The following RORA variants were observed in gnomAD, a reference collection of about 807,000 sequenced individuals.
RORA encodes the protein nuclear receptor ROR-alpha.
Under a neutral mutation model 69.5 loss-of-function variants are expected in RORA, and 7 were observed. The observed-to-expected ratio is 0.10, with a 90% CI of 0.06 to 0.19. The LOEUF (loss-of-function observed/expected upper bound fraction) is 0.19. Among genes scored for constraint, RORA ranks in the 10% least tolerant of loss-of-function variants. The probability of loss-of-function intolerance (pLI) is 1.00; values close to 1 mark genes in which losing one functional copy is unlikely to be tolerated. For synonymous variants in RORA, 261 were observed against 240.8 expected (o/e 1.08, Z -0.78); for missense variants, 457 against 663.0 (o/e 0.69, Z 3.41).
At chr15:61,039,675 G>A (rs1469536609) in intron 1 of RORA, among the ~76,000 whole-genome samples, 1 of 150,932 alleles carries the variant, frequency 6.6e-6, no homozygotes, top group Non-Finnish European at 1.5e-5. Context: ...AACCTGGGAG[G>A]TGGACGTTAC....
At chr15:60,878,875 A>G (rs1404446217) in intron 1 of RORA, among the ~76,000 whole-genome samples, 5 of 152,164 alleles carry the variant, frequency 3.3e-5, no homozygotes, top group Non-Finnish European at 7.3e-5. Context: ...TTATCCTACA[A>G]TGTTTATTTT....
At chr15:60,855,977 T>C (rs1190253844) in intron 1 of RORA, among the ~76,000 whole-genome samples, 1 of 152,182 alleles carries the variant, frequency 6.6e-6, no homozygotes, top group Non-Finnish European at 1.5e-5. Context: ...AAATACAGTG[T>C]AGATTTCTGG....
At chr15:60,554,338 A>G (rs1351569289) in intron 2 of RORA, among the ~76,000 whole-genome samples, 1 of 152,250 alleles carries the variant, frequency 6.6e-6, no homozygotes, top group African/African-American at 2.4e-5. Context: ...TCATTCAAAA[A>G]GATTGACTCT....
chr15:60,969,008 T>A (rs1893636379), intron 1 of RORA, among the ~76,000 whole-genome samples: 3 of 152,216 alleles, frequency 2.0e-5, no homozygotes, highest in Admixed American at 6.5e-5. Context: ...TTAAAATACG[T>A]CCCTCAATTT....
chr15:61,139,076 G>A (rs960815495), intron 1 of RORA, among the ~76,000 whole-genome samples: 3 of 151,940 alleles, frequency 2.0e-5, no homozygotes, highest in East Asian at 1.9e-4. Context: ...CCCAGGAGGC[G>A]GAGCTTGCAG....
chr15:61,095,135 GGAAGGCCCTGGTCAGT>G (rs1472786320), intron 1 of RORA, among the ~76,000 whole-genome samples: 14 of 152,292 alleles, frequency 9.2e-5, no homozygotes, highest in Admixed American at 2.0e-4. Context: ...CTGTAATCAG[GGAAGGCCCTGGTCAGT>G]CCTTGGTTTT....
intron 2 of RORA, among the ~76,000 whole-genome samples, chr15:60,539,845 C>T (rs1419546369): frequency 6.6e-6 from 1 of 152,092 alleles, no homozygotes; most frequent in Non-Finnish European, 1.5e-5. Context: ...GGCTATTTAA[C>T]CAATGGTTCT....
At chr15:60,501,979 A>G (rs2065345280) in intron 8 of RORA, among the ~76,000 whole-genome samples, 1 of 152,106 alleles carries the variant, frequency 6.6e-6, no homozygotes, top group South Asian at 2.1e-4. Context: ...AGAAATCCAA[A>G]ATTTATTATT....
At chr15:60,956,095 C>T (rs896051525) in intron 1 of RORA, among the ~76,000 whole-genome samples, 1 of 152,158 alleles carries the variant, frequency 6.6e-6, no homozygotes. Context: ...AGAAGCAGGG[C>T]AAGCAGATTC....
chr15:60,737,698 T>C (rs772969973), intron 1 of RORA, among the ~76,000 whole-genome samples: 1 of 152,260 alleles, frequency 6.6e-6, no homozygotes, highest in Non-Finnish European at 1.5e-5. Context: ...CTTCTGTTTA[T>C]TGCTGCTTGT....
chr15:61,165,023 C>T (rs2079528773), intron 1 of RORA, among the ~76,000 whole-genome samples: 2 of 152,190 alleles, frequency 1.3e-5, no homozygotes, highest in South Asian at 4.1e-4. Flanking sequence ...CTCCATCACA[C>T]CCTCCAAAGC....
intron 1 of RORA, among the ~76,000 whole-genome samples, chr15:60,884,502 C>T (rs988148373): frequency 6.6e-6 from 1 of 151,684 alleles, no homozygotes; most frequent in Non-Finnish European, 1.5e-5. Context: ...ACTGAAGAAA[C>T]AAACAAATCT....
At chr15:60,720,063 C>A (rs1255220972) in intron 1 of RORA, among the ~76,000 whole-genome samples, 1 of 152,056 alleles carries the variant, frequency 6.6e-6, no homozygotes, top group Non-Finnish European at 1.5e-5. Flanking sequence ...AAAGAGGCGG[C>A]ATTTTGAAGA....
At chr15:60,836,098 C>T (rs1393674496) in intron 1 of RORA, among the ~76,000 whole-genome samples, 2 of 152,182 alleles carry the variant, frequency 1.3e-5, no homozygotes, top group Admixed American at 6.5e-5. Context: ...AGTTTACATG[C>T]AAACTTGGTT....
intron 1 of RORA, among the ~76,000 whole-genome samples, chr15:60,859,781 A>G (rs1000355271): frequency 1.1e-4 from 16 of 150,790 alleles, no homozygotes; most frequent in African/African-American, 3.9e-4. Flanking sequence ...TGGGGTGGGG[A>G]ATACTTAATC....
intron 2 of RORA, among the ~76,000 whole-genome samples, chr15:60,562,293 T>C (rs905620677): frequency 2.6e-5 from 4 of 152,208 alleles, no homozygotes; most frequent in Non-Finnish European, 4.4e-5. Flanking sequence ...TGGAGTGCGA[T>C]GGCACGATCA....
chr15:60,597,048 G>A (rs1162664403), intron 2 of RORA, among the ~76,000 whole-genome samples: 2 of 152,156 alleles, frequency 1.3e-5, no homozygotes, highest in East Asian at 1.9e-4. Context: ...GTAGAGTTCC[G>A]TGAGTCGGTC....
intron 1 of RORA, among the ~76,000 whole-genome samples, chr15:60,734,903 C>T (rs946870873): frequency 6.6e-6 from 1 of 152,192 alleles, no homozygotes; most frequent in African/African-American, 2.4e-5. Context: ...TTCTAGCCTG[C>T]TTTTATTGTT....
intron 1 of RORA, among the ~76,000 whole-genome samples, chr15:61,126,946 C>T (rs1455142453): frequency 2.6e-5 from 4 of 152,166 alleles, no homozygotes; most frequent in African/African-American, 4.8e-5. Context: ...ATATTTTTGG[C>T]GGAGAACAAA....
Sources: gnomAD v4.1 joint callset for allele counts (sites outside exome capture counted in the v4.1 genomes callset) on GRCh38, gnomAD v4.1.1 for gene constraint, MANE v1.5 for transcripts, NCBI Gene and HGNC (gene_info 2026-07-23, HGNC 2026-07-21) for gene names.